Variants in DAPK1 observed in about 807,000 individuals in gnomAD.
DAPK1 encodes death-associated protein kinase 1.
DAPK1 carries 56 observed loss-of-function variants against 144.9 expected under a neutral mutation model. The ratio of observed to expected loss-of-function variants is 0.39; its 90% CI spans 0.31 to 0.48. The LOEUF is 0.48. DAPK1 is among the 20% of genes least tolerant of loss of function. The pLI is 0.95. For missense variants in DAPK1, 1,454 were observed against 1,875.4 expected, an observed-to-expected ratio of 0.78 and a Z score of 4.15; for synonymous variants, 690 against 749.0, an observed-to-expected ratio of 0.92 and a Z score of 1.29.
intron 2 of DAPK1, among the ~76,000 whole-genome samples, chr9:87,527,553 C>G (rs1260967162): frequency 6.6e-6 from 1 of 152,194 alleles, no homozygotes; most frequent in Non-Finnish European, 1.5e-5. Context: ...GAGGTCCGTT[C>G]CTGGAATTAG....
intron 3 of DAPK1, among the ~76,000 whole-genome samples, chr9:87,617,730 AC>A: frequency 6.6e-6 from 1 of 152,308 alleles, no homozygotes; most frequent in Middle Eastern, 3.4e-3. Context: ...CTGGAGCCCT[AC>A]AGTTGCTTCT....
At position 87,532,419 on chromosome 9, in the gene DAPK1, A is replaced by G. The variant is rs1222756609; in HGVS notation, c.62+33280A>G. ...GAGTTGAGTCATGGTGACAGAGACC[A>G]TGTGGCCCTCAAACCTGAGAATATT... On this transcript the variant is annotated intron_variant, in intron 2 of 25. Coordinates refer to ENST00000408954, the MANE Select transcript of DAPK1 (RefSeq NM_004938.4). Among the ~76,000 whole-genome samples the G allele has an allele frequency of 2.6e-5, 4 of 152,240 alleles. No homozygotes were observed. In the South Asian group the frequency reaches 8.3e-4, roughly 32 times the overall value.
intron 23 of DAPK1, among the ~76,000 whole-genome samples, chr9:87,699,359 A>C (rs1825380384): frequency 6.6e-6 from 1 of 152,146 alleles, no homozygotes; most frequent in Non-Finnish European, 1.5e-5. Flanking sequence ...CTTACAATAT[A>C]AGTTGCAACC....
At chr9:87,555,977 C>T (rs1447854531) in intron 2 of DAPK1, among the ~76,000 whole-genome samples, 1 of 152,184 alleles carries the variant, frequency 6.6e-6, no homozygotes, top group East Asian at 1.9e-4. Flanking sequence ...TTGTCAGTAG[C>T]TTCTGTTTTA....
At chr9:87,692,952 CTTTTTTTTTTTTTTTTTTTT>C (rs61324273) in intron 21 of DAPK1, among the ~76,000 whole-genome samples, 11 of 26,406 alleles carry the variant, frequency 4.2e-4, no homozygotes, top group Middle Eastern at 0.036. Context: ...AGTGACTAGA[CTTTTTTTTTTTTTTTTTTTT>C]TTTTTTTTTT....
intron 3 of DAPK1, among the ~76,000 whole-genome samples, chr9:87,614,314 A>G (rs1287499928): frequency 6.6e-6 from 1 of 152,226 alleles, no homozygotes; most frequent in East Asian, 1.9e-4. Flanking sequence ...TATAGTCATA[A>G]CTTTAGTATC....
chr9:87,555,896 A>G (rs954920985), intron 2 of DAPK1, among the ~76,000 whole-genome samples: 3 of 152,254 alleles, frequency 2.0e-5, no homozygotes, highest in African/African-American at 4.8e-5. Flanking sequence ...GGCGAGTTCC[A>G]TATCAATATG....
chr9:87,562,742 GAAAT>G (rs1826976372), intron 2 of DAPK1, among the ~76,000 whole-genome samples: 1 of 152,172 alleles, frequency 6.6e-6, no homozygotes, highest in Non-Finnish European at 1.5e-5. Flanking sequence ...TGTCCAGAAG[GAAAT>G]AAATAAACCT....
chr9:87,702,690 A>C (rs185650495), intron 24 of DAPK1, among the ~76,000 whole-genome samples: 2 of 152,296 alleles, frequency 1.3e-5, no homozygotes, highest in Admixed American at 1.3e-4. Context: ...ATATTTGAGC[A>C]ATAGATGAGG....
chr9:87,646,552 A>G lies in DAPK1; in HGVS notation c.1223A>G (p.Gln408Arg), dbSNP rs373587396. The G allele has an allele frequency of 3.4e-5, 54 of 1,606,306 alleles. No individual in the cohort carries two copies. The African/African-American group carries it at 6.8e-4, about 20-fold the overall frequency. ...AAAAGAGGCTCGAGAATCGATGTCC[A>G]GGATAAGGTCATAATTGTTTTATTG... ...LIKRGSRIDV[Q>R]DKGGSNAVYW... The change falls in exon 13 of 26, where the codon CAG becomes CGG. Residue 408 changes from glutamine to arginine, a missense_variant. Gln to Arg is a conservative substitution (Grantham distance 43). Around this residue, in one of 2 missense-constraint regions of DAPK1, gnomAD observed 429 missense variants for 637.5 expected, o/e 0.67. Transcript: ENST00000408954.
intron 3 of DAPK1, among the ~76,000 whole-genome samples, chr9:87,605,647 A>G (rs1329743136): frequency 1.3e-5 from 2 of 151,840 alleles, no homozygotes; most frequent in Non-Finnish European, 1.5e-5. Context: ...TTCCATCAAC[A>G]CTAATTATAT....
intron 20 of DAPK1, 163 bp downstream of exon 20, chr9:87,681,789 G>C (rs1824640082): frequency 1.5e-6 from 1 of 647,270 alleles, no homozygotes; most frequent in Admixed American, 2.2e-5. Context: ...GTAGCCTTGT[G>C]TGTGCTGCCT....
intron 17 of DAPK1, among the ~76,000 whole-genome samples, chr9:87,656,199 C>A (rs1238521811): frequency 6.6e-6 from 1 of 152,144 alleles, no homozygotes; most frequent in Non-Finnish European, 1.5e-5. Context: ...AGTGTGTCTG[C>A]CGTGGGCTGT....
chr9:87,681,184 A>G (rs945720940), intron 19 of DAPK1, among the ~76,000 whole-genome samples: 1 of 152,074 alleles, frequency 6.6e-6, no homozygotes, highest in Non-Finnish European at 1.5e-5. Flanking sequence ...AGGCTGAGGC[A>G]GGAGAATCGC....
chr9:87,706,868 C>T lies in DAPK1; in HGVS notation c.3797C>T (p.Thr1266Ile), dbSNP rs1322277188. ...DFFRAQTLKE[T>I]SLTNTMGGYK... ...TTCCGGGCACAGACTCTGAAGGAAA[C>T]CTCACTGACCAACACCATGGGGGGG... The change falls in exon 26 of 26, where the codon ACC (threonine) becomes ATC (isoleucine). Residue 1266 changes from threonine (T) to isoleucine (I), a missense_variant. Around this residue, in one of 2 missense-constraint regions of DAPK1, gnomAD observed 1,025 missense variants for 1,237.9 expected, o/e 0.83. Coordinates refer to ENST00000408954, the MANE Select transcript of DAPK1 (RefSeq NM_004938.4). This position sits in a 1 kb window ranked among gnomAD's most constrained non-coding sequence, Gnocchi z 9.0. The T allele has an allele frequency of 6.2e-7, 1 of 1,614,036 alleles. No individual in the cohort carries two copies.
intron 3 of DAPK1, among the ~76,000 whole-genome samples, chr9:87,605,984 G>A (rs1373852615): frequency 6.6e-6 from 1 of 152,194 alleles, no homozygotes. Context: ...GGGAGGAGGG[G>A]CGGATGGAAC....
At chr9:87,665,360 GT>G (rs1831014671) in intron 18 of DAPK1, among the ~76,000 whole-genome samples, 1 of 152,232 alleles carries the variant, frequency 6.6e-6, no homozygotes, top group Non-Finnish European at 1.5e-5. Context: ...TGGCACCATA[GT>G]CCAGGCAGGA....
At position 87,643,371 on chromosome 9, in the gene DAPK1, A is replaced by G; in HGVS notation, c.919-5A>G. ...CCTTTTTTTTTTTTTTTTTTTAAAA[A>G]AAAGCAATCCGTTCGCTTGATATCA... On this transcript the variant is annotated splice_region_variant and splice_polypyrimidine_tract_variant and intron_variant, in intron 10 of 25. Transcript: ENST00000408954. The G allele has an allele frequency of 6.4e-7, 1 of 1,552,336 alleles. No individual in the cohort carries two copies. Among genetic ancestry groups the G allele is most frequent in the Non-Finnish European group, 8.7e-7 (1 of 1,155,092 alleles).
chr9:87,666,674 A>G lies in DAPK1; in HGVS notation c.1924-1923A>G, dbSNP rs138334358. On this transcript the variant is annotated intron_variant, in intron 18 of 25. Coordinates refer to ENST00000408954, the MANE Select transcript of DAPK1 (RefSeq NM_004938.4). ...TTTTTAGTAAAGACGGGGTTTCACCATGTTGGGCAGGCTGGTCTCAAACTT... is the reference window on the plus strand; with the variant it reads ...TTTTTAGTAAAGACGGGGTTTCACCGTGTTGGGCAGGCTGGTCTCAAACTT... Among the ~76,000 whole-genome samples, 156 of 152,032 alleles carry G rather than the reference A, an allele frequency of 1.0e-3. 1 individual carries two copies. The highest frequency in any genetic ancestry group is 3.5e-3 in the African/African-American group (146 of 41,468).
Sources: allele counts gnomAD v4.1 joint callset (sites outside exome capture counted in the v4.1 genomes callset), GRCh38; gene constraint gnomAD v4.1.1; regional missense constraint gnomAD v4.1.1; non-coding constraint Gnocchi (gnomAD v3.1); transcripts MANE v1.5; gene names NCBI Gene and HGNC (gene_info 2026-07-23, HGNC 2026-07-21).